Variants in CCDC178 observed in about 807,000 individuals in gnomAD.
CCDC178 encodes coiled-coil domain-containing protein 178.
In CCDC178, 126 loss-of-function variants were observed where a neutral mutation model predicts 117.4. The observed-to-expected ratio is 1.07, with a 90% confidence interval of 0.93 to 1.24. The LOEUF is 1.24. CCDC178 is among the 50% of genes most tolerant of loss of function. The pLI, the probability that CCDC178 is intolerant of heterozygous loss-of-function variation, is 0.00. For synonymous variants in CCDC178, 283 were observed against 313.4 expected (o/e 0.90, Z 1.02); for missense variants, 1,030 against 986.9 (o/e 1.04, Z -0.59).
chr18:33,138,620 T>G (rs2058158949), intron 20 of CCDC178, among the ~76,000 whole-genome samples: 1 of 152,234 alleles, frequency 6.6e-6, no homozygotes, highest in Non-Finnish European at 1.5e-5. Flanking sequence ...CTTTATTTCT[T>G]GCAAATTGTA....
intron 21 of CCDC178, among the ~76,000 whole-genome samples, chr18:32,999,887 CA>C (rs1238904320): frequency 3.9e-5 from 6 of 151,912 alleles, no homozygotes; most frequent in African/African-American, 1.5e-4. Flanking sequence ...AGAACAGGTA[CA>C]AACAAGCCCA....
intron 20 of CCDC178, among the ~76,000 whole-genome samples, chr18:33,186,052 G>T (rs2058790321): frequency 1.3e-5 from 2 of 151,934 alleles, no homozygotes; most frequent in African/African-American, 4.8e-5. Context: ...ATGCCTCTAA[G>T]AATAATTTAT....
chr18:33,333,179 T>A lies in CCDC178; in HGVS notation c.874A>T (p.Met292Leu). ...QDLKNHYKKK[M>L]EVMDLHRKVN... ...TCATGCATTCGTTTATTTACCTCCA[T>A]TTTTTTTTTATAATGGTTCTTCAGA... Residue 292 changes from methionine to leucine, a missense_variant, in exon 10 of 23, where the codon ATG (methionine) becomes TTG (leucine). By Grantham distance (15) the Met-to-Leu change is conservative (BLOSUM62 2). Coordinates refer to ENST00000383096, the MANE Select transcript of CCDC178 (RefSeq NM_001105528.4). The A allele has an allele frequency of 7.7e-7, 1 of 1,303,184 alleles. No individual in the cohort carries two copies. The highest frequency in any genetic ancestry group is 1.1e-6 in the Non-Finnish European group (1 of 947,752). 80.7% of individuals were successfully genotyped at this position (1,303,184 alleles called of 1,614,324 possible).
At chr18:33,091,068 T>G (rs941943349) in intron 21 of CCDC178, among the ~76,000 whole-genome samples, 14 of 152,290 alleles carry the variant, frequency 9.2e-5, no homozygotes, top group African/African-American at 3.4e-4. Context: ...ACTGCACATA[T>G]AATTTATTTT....
At chr18:33,276,117 T>C (rs751546664) in intron 12 of CCDC178, among the ~76,000 whole-genome samples, 2 of 152,034 alleles carry the variant, frequency 1.3e-5, no homozygotes, top group African/African-American at 4.8e-5. Context: ...ATGTTAGGCA[T>C]GGAAAAATAC....
At chr18:33,163,086 C>T (rs1196087573) in intron 20 of CCDC178, among the ~76,000 whole-genome samples, 1 of 152,098 alleles carries the variant, frequency 6.6e-6, no homozygotes, top group Non-Finnish European at 1.5e-5. Flanking sequence ...ACAACCTCGC[C>T]AGTATCTGTT....
At chr18:32,980,614 A>C (rs1230211403) in intron 21 of CCDC178, among the ~76,000 whole-genome samples, 1 of 151,426 alleles carries the variant, frequency 6.6e-6, no homozygotes. Context: ...GTCAATAATA[A>C]AAATAGAAAC....
chr18:33,260,200 T>C (rs1488128649), intron 14 of CCDC178, among the ~76,000 whole-genome samples: 1 of 152,098 alleles, frequency 6.6e-6, no homozygotes, highest in Non-Finnish European at 1.5e-5. Context: ...AGCCATTTTG[T>C]CTACTTTTAC....
chr18:33,408,745 A>T (rs919085774), intron 3 of CCDC178, among the ~76,000 whole-genome samples: 7 of 152,166 alleles, frequency 4.6e-5, no homozygotes, highest in Non-Finnish European at 7.4e-5. Flanking sequence ...TACAGAAAAC[A>T]TGTTATGGAA....
chr18:33,079,654 C>T (rs1348618121), intron 21 of CCDC178, among the ~76,000 whole-genome samples: 20 of 152,216 alleles, frequency 1.3e-4, no homozygotes, highest in African/African-American at 2.2e-4. Flanking sequence ...GACATACATG[C>T]GACCAACAAG....
At chr18:32,967,719 G>A (rs2054844369) in intron 22 of CCDC178, among the ~76,000 whole-genome samples, 1 of 149,822 alleles carries the variant, frequency 6.7e-6, no homozygotes, top group Non-Finnish European at 1.5e-5. Context: ...AATTTTTTAT[G>A]GTACTTTTTT....
At chr18:32,949,810 G>C (rs541132087) in intron 22 of CCDC178, among the ~76,000 whole-genome samples, 4 of 152,006 alleles carry the variant, frequency 2.6e-5, no homozygotes, top group South Asian at 2.1e-4. Context: ...TACCTTCCTT[G>C]GTGCTAGATA....
intron 3 of CCDC178, 83 bp from the exon 4 acceptor site, chr18:33,397,291 G>A (rs6507018): frequency 0.97 from 819,128 of 843,728 alleles, 401,370 homozygotes; most frequent in East Asian, 1. Flanking sequence ...GTAAGGATAC[G>A]GGAAGAAAAT....
At chr18:33,340,755 A>C (rs1288010161) in intron 9 of CCDC178, among the ~76,000 whole-genome samples, 1 of 152,240 alleles carries the variant, frequency 6.6e-6, no homozygotes, top group Admixed American at 6.5e-5. Context: ...GTGAGTGCAC[A>C]GAAGTCAAGA....
intron 3 of CCDC178, among the ~76,000 whole-genome samples, chr18:33,403,776 T>C (rs540062674): frequency 6.6e-6 from 1 of 152,232 alleles, no homozygotes; most frequent in East Asian, 1.9e-4. Flanking sequence ...AAGATCTAAT[T>C]GATTAACTAT....
chr18:32,994,959 T>C (rs12966756), intron 21 of CCDC178, among the ~76,000 whole-genome samples: 4 of 152,210 alleles, frequency 2.6e-5, no homozygotes, highest in African/African-American at 7.2e-5. Context: ...TTCTGTTTAA[T>C]GGCTCATTTG....
intron 6 of CCDC178, 60 bp downstream of exon 6, chr18:33,369,990 C>A: frequency 7.3e-7 from 1 of 1,367,242 alleles, no homozygotes; most frequent in Non-Finnish European, 9.7e-7. Context: ...TTTAAATAAC[C>A]AATCCTTAGA....
intron 20 of CCDC178, among the ~76,000 whole-genome samples, chr18:33,158,984 G>A (rs933653041): frequency 6.6e-6 from 1 of 152,100 alleles, no homozygotes; most frequent in African/African-American, 2.4e-5. Context: ...ATAATTGGAT[G>A]AGGACAGCCT....
At chr18:33,379,700 G>C (rs914021038) in intron 5 of CCDC178, among the ~76,000 whole-genome samples, 18 of 152,112 alleles carry the variant, frequency 1.2e-4, no homozygotes, top group Non-Finnish European at 2.2e-4. Context: ...TAGGTGATTG[G>C]GTGTTCCAGA....
Sources: allele counts gnomAD v4.1 joint callset (sites outside exome capture counted in the v4.1 genomes callset), GRCh38; gene constraint gnomAD v4.1.1; transcripts MANE v1.5; gene names NCBI Gene and HGNC (gene_info 2026-07-23, HGNC 2026-07-21).